NDUFAF7: variants seen among roughly 807,000 people sequenced by gnomAD.
NDUFAF7 encodes the protein protein arginine methyltransferase NDUFAF7, mitochondrial.
NDUFAF7 carries 48 observed loss-of-function variants against 47.2 expected under a neutral mutation model. That is an observed-to-expected ratio of 1.02 (90% CI 0.81 to 1.29). The LOEUF is 1.29. Ranked by LOEUF, NDUFAF7 falls within the 50% of genes most tolerant of loss-of-function variation. The pLI is 0.00. For missense variants in NDUFAF7, 635 were observed against 537.6 expected (o/e 1.18, Z -1.79); for synonymous variants, 217 against 190.0 (o/e 1.14, Z -1.17).
chr2:37,237,945 C>A, intron 4 of NDUFAF7, 78 bp downstream of exon 4: 1 of 992,988 alleles, frequency 1.0e-6, no homozygotes, highest in Non-Finnish European at 1.6e-6. Context: ...ATGTTGATTT[C>A]ATTGGTTTTC....
the NDUFAF7 span, among the ~76,000 whole-genome samples, chr2:37,270,020 G>A: frequency 6.6e-6 from 1 of 152,146 alleles, no homozygotes; most frequent in Non-Finnish European, 1.5e-5. Context: ...CTGAGGTTGT[G>A]TGTTCCAGAC....
intron 2 of NDUFAF7, among the ~76,000 whole-genome samples, chr2:37,233,480 T>C (rs898512807): frequency 6.6e-6 from 1 of 151,918 alleles, no homozygotes; most frequent in African/African-American, 2.4e-5. Flanking sequence ...ATACAAAAAT[T>C]AGCCGGGCGT....
At chr2:37,240,020 C>T (rs369031994) in intron 4 of NDUFAF7, among the ~76,000 whole-genome samples, 30 of 152,236 alleles carry the variant, frequency 2.0e-4, no homozygotes, top group African/African-American at 6.5e-4. Flanking sequence ...AAAAGGAGGA[C>T]AGTTGTTTAT....
chr2:37,252,069 C>T (rs912660926), downstream of NDUFAF7: 4 of 152,114 alleles, frequency 2.6e-5, no homozygotes, highest in Admixed American at 6.6e-5. Flanking sequence ...GCTGATAATA[C>T]AGCCCCAGCC....
intron 8 of NDUFAF7, 132 bp from the exon 9 acceptor site, chr2:37,247,324 C>G: frequency 9.0e-7 from 1 of 1,109,110 alleles, no homozygotes; most frequent in Non-Finnish European, 1.3e-6. Flanking sequence ...TGTTCCCTGC[C>G]TAGAGAATTA....
chr2:37,232,128 G>A lies in NDUFAF7; in HGVS notation c.78G>A (p.Gly26=), dbSNP rs148701137. The change falls in exon 2 of 10, where the codon GGG becomes GGA. Residue 26 remains glycine (G), a synonymous_variant. Coordinates refer to ENST00000002125, the MANE Select transcript of NDUFAF7 (RefSeq NM_144736.5). ...CAGCCATTCCTTTTATTTGGAGAGG[G>A]AAATACTTCAGCTCCGGGAATGAGC... ...ARAAIPFIWR[G]KYFSSGNEPA... The A allele has an allele frequency of 6.2e-7, 1 of 1,614,104 alleles. No individual in the cohort carries two copies. Among genetic ancestry groups the A allele is most frequent in the African/African-American group, 1.3e-5 (1 of 74,946 alleles).
the NDUFAF7 span, among the ~76,000 whole-genome samples, chr2:37,262,708 T>G: frequency 6.6e-6 from 1 of 152,196 alleles, no homozygotes; most frequent in Non-Finnish European, 1.5e-5. Flanking sequence ...TAAAAACACG[T>G]GGACACACAA....
chr2:37,259,526 G>C, the NDUFAF7 span: 2 of 1,349,696 alleles, frequency 1.5e-6, no homozygotes, highest in Non-Finnish European at 2.1e-6. Context: ...CTTTTATTAT[G>C]TGGGTGCTTT....
At chr2:37,261,578 C>T in the NDUFAF7 span, among the ~76,000 whole-genome samples, 6 of 152,076 alleles carry the variant, frequency 3.9e-5, no homozygotes, top group African/African-American at 9.7e-5. Flanking sequence ...ATCGGGAGTT[C>T]GAGACCAGCC....
chr2:37,232,571 C>G (rs1456833061), intron 2 of NDUFAF7, among the ~76,000 whole-genome samples: 2 of 152,234 alleles, frequency 1.3e-5, no homozygotes, highest in East Asian at 3.9e-4. Context: ...GGTGTGGATT[C>G]ATTGCTTTGG....
Position 37,247,573 on chromosome 2 carries a change from G to T in NDUFAF7, c.1054G>T (p.Gly352Cys), listed in dbSNP as rs1233975481. The T allele has an allele frequency of 1.9e-6, 3 of 1,613,944 alleles. No individual in the cohort carries two copies. The South Asian group carries it at 3.3e-5, about 18-fold the overall frequency. The change falls in exon 9 of 10, where the codon GGC becomes TGC. Residue 352 changes from glycine (G) to cysteine (C), a missense_variant. Gly to Cys is a radical substitution (Grantham distance 159). Transcript: ENST00000002125. The stretch of plus-strand genomic sequence containing the variant: ...GGCACAGGGAAAAGTAGCCTCTCTG[G>T]GCCCAATAAAACAACACACATTTTT... Reference protein sequence around the residue: ...RMAQGKVASLGPIKQHTFLKN... With the variant: ...RMAQGKVASLCPIKQHTFLKN...
At chr2:37,257,466 C>T (rs1048170673), downstream of NDUFAF7, among the ~76,000 whole-genome samples, 1 of 151,914 alleles carries the variant, frequency 6.6e-6, no homozygotes, top group African/African-American at 2.4e-5. Flanking sequence ...GAGATTGAGA[C>T]CATCCTGGCT....
At chr2:37,266,568 C>T in the NDUFAF7 span, among the ~76,000 whole-genome samples, 1 of 151,966 alleles carries the variant, frequency 6.6e-6, no homozygotes, top group East Asian at 1.9e-4. Context: ...CTAACTGCAG[C>T]CTCCACCTTC....
In NDUFAF7 at chr2:37,236,137, T is replaced by C. The variant is rs751076947; in HGVS notation, c.258T>C (p.Asp86=). Residue 86 remains aspartate (D), a synonymous_variant, in exon 3 of 10, where the codon GAT becomes GAC. Coordinates refer to ENST00000002125, the MANE Select transcript of NDUFAF7 (RefSeq NM_144736.5). ...GTGACATGCTAGGCGAAAAAGGAGATTTCATTACTTCACCTGAAATAAGTC... is the reference window on the plus strand; with the variant it reads ...GTGACATGCTAGGCGAAAAAGGAGACTTCATTACTTCACCTGAAATAAGTC... ...VYRDMLGEKG[D]FITSPEISQI... The C allele has an allele frequency of 1.2e-6, 2 of 1,613,364 alleles. No individual in the cohort carries two copies. Among genetic ancestry groups the C allele is most frequent in the Non-Finnish European group, 1.7e-6 (2 of 1,179,408 alleles).
the NDUFAF7 span, chr2:37,268,568 T>C: frequency 7.7e-6 from 2 of 259,094 alleles, no homozygotes; most frequent in African/African-American, 4.6e-5. Context: ...GAGAAGTATG[T>C]TGGGTAGCAG....
At position 37,242,537 on chromosome 2, in the gene NDUFAF7, A is replaced by G. The variant is rs1399372874; in HGVS notation, c.623-98A>G. 9.6e-5 allele frequency: 86 copies of G among 893,464 alleles called. 1 individual carries two copies. The Admixed American group carries it at 1.7e-3, about 18-fold the overall frequency. 55.3% of individuals were successfully genotyped at this position (893,464 alleles called of 1,614,324 possible). A position where few individuals can be genotyped will look rare whatever the true frequency, so the allele number is the denominator to read the frequency against. On this transcript the variant is annotated intron_variant, in intron 5 of 9. Coordinates refer to ENST00000002125, the MANE Select transcript of NDUFAF7 (RefSeq NM_144736.5). ...GGTAGATAATTCTGTGGTAGTGATGATTATGGAGGAAGTAGGCATTTTTTT... is the reference window on the plus strand; with the variant it reads ...GGTAGATAATTCTGTGGTAGTGATGGTTATGGAGGAAGTAGGCATTTTTTT...
At chr2:37,267,662 T>C in the NDUFAF7 span, 1 of 715,858 alleles carries the variant, frequency 1.4e-6, no homozygotes, top group Non-Finnish European at 2.4e-6. Flanking sequence ...TTGTTCTTTC[T>C]CCACACTCCT....
downstream of NDUFAF7, chr2:37,254,387 G>C: frequency 2.3e-6 from 2 of 860,154 alleles, no homozygotes; most frequent in East Asian, 2.5e-5. Context: ...AGAAATACAG[G>C]GTTGAGGAAT....
At chr2:37,252,939 A>T (rs1182971639), downstream of NDUFAF7, 3 of 318,410 alleles carry the variant, frequency 9.4e-6, no homozygotes, top group Non-Finnish European at 1.7e-5. Context: ...AAAACCAGTT[A>T]TTGCTTAGGC....
Sources: allele counts gnomAD v4.1 joint callset (sites outside exome capture counted in the v4.1 genomes callset), GRCh38; gene constraint gnomAD v4.1.1; transcripts MANE v1.5; gene names NCBI Gene and HGNC (gene_info 2026-07-23, HGNC 2026-07-21).